Variants in PTPRN2 observed in about 807,000 individuals in gnomAD.
PTPRN2 encodes receptor-type tyrosine-protein phosphatase N2.
PTPRN2 carries 74 observed loss-of-function variants against 118.8 expected under a neutral mutation model. That is an observed-to-expected ratio of 0.62 (90% CI 0.52 to 0.76). The LOEUF (loss-of-function observed/expected upper bound fraction) is 0.76, where lower values mean the gene tolerates loss of function less well. PTPRN2 is among the 30% of genes least tolerant of loss of function. PTPRN2 has a pLI of 0.00. For synonymous variants in PTPRN2, 641 were observed against 608.0 expected (o/e 1.05, Z -0.80); for missense variants, 1,481 against 1,394.4 (o/e 1.06, Z -0.99).
intron 12 of PTPRN2, among the ~76,000 whole-genome samples, chr7:157,737,961 G>C (rs1246042856): frequency 6.6e-6 from 1 of 152,210 alleles, no homozygotes; most frequent in Non-Finnish European, 1.5e-5. Flanking sequence ...GGAATGCCTG[G>C]GTCAGAAGAG....
chr7:157,634,044 G>T (rs1250598753), intron 14 of PTPRN2, among the ~76,000 whole-genome samples: 1 of 152,112 alleles, frequency 6.6e-6, no homozygotes, highest in African/African-American at 2.4e-5. Flanking sequence ...GTGGAGGCGG[G>T]CGAATGAGAG....
intron 12 of PTPRN2, among the ~76,000 whole-genome samples, chr7:157,790,030 G>T (rs201285003): frequency 1.0e-3 from 18 of 17,220 alleles, no homozygotes; most frequent in Admixed American, 1.3e-3. Context: ...ATGTGTGTGT[G>T]GTGGGGGTGT....
chr7:158,562,779 T>C, intron 1 of PTPRN2, among the ~76,000 whole-genome samples: 1 of 152,160 alleles, frequency 6.6e-6, no homozygotes, highest in East Asian at 1.9e-4. Flanking sequence ...ACGTGAAGCC[T>C]TGCCACGTCA....
chr7:157,750,360 C>T (rs1021667007), intron 12 of PTPRN2, among the ~76,000 whole-genome samples: 2 of 152,076 alleles, frequency 1.3e-5, no homozygotes, highest in Non-Finnish European at 2.9e-5. Context: ...TGAGGCTGGC[C>T]GGATGTAGGG....
At chr7:158,214,433 A>C (rs888354566) in intron 3 of PTPRN2, among the ~76,000 whole-genome samples, 2 of 130,730 alleles carry the variant, frequency 1.5e-5, no homozygotes, top group Non-Finnish European at 3.3e-5. Context: ...CACACACACA[A>C]CTAAAGCAGC....
intron 12 of PTPRN2, among the ~76,000 whole-genome samples, chr7:157,860,145 G>A (rs1207902941): frequency 6.6e-6 from 1 of 152,230 alleles, no homozygotes; most frequent in Non-Finnish European, 1.5e-5. Flanking sequence ...AGCCCACTGG[G>A]GGAGCCTCGA....
At chr7:158,002,204 G>A (rs925939051) in intron 11 of PTPRN2, among the ~76,000 whole-genome samples, 3 of 152,190 alleles carry the variant, frequency 2.0e-5, no homozygotes, top group African/African-American at 7.2e-5. Flanking sequence ...CGGGAAACAC[G>A]GCGTGGTCAT....
chr7:157,799,191 G>A (rs1196917398), intron 12 of PTPRN2, among the ~76,000 whole-genome samples: 3 of 152,108 alleles, frequency 2.0e-5, no homozygotes. Flanking sequence ...GGGGAGGAAG[G>A]GCTGGGTGAG....
chr7:158,441,329 G>A (rs1311782463), intron 2 of PTPRN2, among the ~76,000 whole-genome samples: 1 of 145,542 alleles, frequency 6.9e-6, no homozygotes, highest in Admixed American at 6.8e-5. Context: ...TGAAGGTGAT[G>A]GTGATGGTGA....
intron 3 of PTPRN2, among the ~76,000 whole-genome samples, chr7:158,212,428 T>G (rs545286557): frequency 3.3e-5 from 5 of 152,334 alleles, no homozygotes; most frequent in African/African-American, 1.2e-4. Flanking sequence ...CTTCAGGTGA[T>G]GAACATCCCA....
rs142471698 is a variant in PTPRN2, at chr7:158,084,640, C to T, written c.1644-3263G>A. 6.7e-3 allele frequency among the ~76,000 whole-genome samples: 1,006 copies of T among 150,586 alleles called. 11 individuals carry two copies. The highest frequency in any genetic ancestry group is 0.016 in the African/African-American group (668 of 40,970). On this transcript the variant is annotated intron_variant, in intron 10 of 22. Coordinates refer to ENST00000389418, the MANE Select transcript of PTPRN2 (RefSeq NM_002847.5). ...CACCCAGGACGCCCATCCACACCCA[C>T]GACACTCATCCACATCCTCGACGCC... is the stretch of plus-strand genomic sequence containing the variant.
At chr7:158,343,386 A>T (rs1212727394) in intron 2 of PTPRN2, among the ~76,000 whole-genome samples, 2 of 152,324 alleles carry the variant, frequency 1.3e-5, no homozygotes, top group Middle Eastern at 3.4e-3. Flanking sequence ...CTATCAAAAA[A>T]CGAAACGAAG....
intron 1 of PTPRN2, among the ~76,000 whole-genome samples, chr7:158,527,576 G>A (rs1445839969): frequency 6.6e-5 from 10 of 152,300 alleles, no homozygotes; most frequent in Non-Finnish European, 1.3e-4. Context: ...CAGGGACTAC[G>A]GTCAGTGTCC....
At chr7:158,431,175 G>GCA (rs1210198000) in intron 2 of PTPRN2, among the ~76,000 whole-genome samples, 1 of 152,216 alleles carries the variant, frequency 6.6e-6, no homozygotes, top group Non-Finnish European at 1.5e-5. Context: ...TGAGCCCCAG[G>GCA]CACACACTGC....
At chr7:157,634,949 C>G (rs1234371539) in intron 14 of PTPRN2, among the ~76,000 whole-genome samples, 2 of 152,216 alleles carry the variant, frequency 1.3e-5, no homozygotes, top group Non-Finnish European at 2.9e-5. Context: ...TAACAGGCCT[C>G]CAGGTCCCAG....
intron 1 of PTPRN2, among the ~76,000 whole-genome samples, chr7:158,572,568 G>A (rs1221199488): frequency 6.6e-6 from 1 of 152,196 alleles, no homozygotes; most frequent in Non-Finnish European, 1.5e-5. Context: ...AGCTCTCCGA[G>A]GCTCCTGATC....
intron 5 of PTPRN2, among the ~76,000 whole-genome samples, chr7:158,170,835 T>C (rs1235125771): frequency 6.6e-6 from 1 of 152,136 alleles, no homozygotes. Flanking sequence ...GCTACGAGCT[T>C]AATGACCTTT....
intron 11 of PTPRN2, among the ~76,000 whole-genome samples, chr7:157,900,802 T>C (rs1797395480): frequency 6.6e-6 from 1 of 152,220 alleles, no homozygotes; most frequent in Non-Finnish European, 1.5e-5. Flanking sequence ...AACAGAATTG[T>C]AAATTATGGC....
intron 5 of PTPRN2, among the ~76,000 whole-genome samples, chr7:158,175,131 AC>A (rs568549626): frequency 7.1e-4 from 108 of 152,322 alleles, no homozygotes; most frequent in African/African-American, 2.5e-3. Context: ...AGGATCCAAA[AC>A]AAATTAGGAA....
Sources: allele counts gnomAD v4.1 joint callset (sites outside exome capture counted in the v4.1 genomes callset), GRCh38; gene constraint gnomAD v4.1.1; transcripts MANE v1.5; gene names NCBI Gene and HGNC (gene_info 2026-07-23, HGNC 2026-07-21).